Variants in GPBP1 observed in about 807,000 individuals in gnomAD.
The protein encoded by GPBP1 is vasculin.
A neutral mutation model predicts 56.5 loss-of-function variants in GPBP1; 13 were observed. That is an observed-to-expected ratio of 0.23 (90% CI 0.15 to 0.37). The LOEUF (loss-of-function observed/expected upper bound fraction) is 0.37, where lower values mean the gene tolerates loss of function less well. Among genes scored for constraint, GPBP1 ranks in the 10% least tolerant of loss-of-function variants. The pLI is 1.00. For missense variants in GPBP1, 477 were observed against 572.3 expected, an observed-to-expected ratio of 0.83 and a Z score of 1.70; for synonymous variants, 204 against 188.9, an observed-to-expected ratio of 1.08 and a Z score of -0.66.
rs769039038 is a variant in GPBP1 at position 57,231,212 on chromosome 5, TTTTCCA to T, written c.304_309del (p.Phe102_His103del). ...GGAAGTTCCCGTTCTCGTAGCAGTA[TTTTCCA>T]TGCAGGAAAAAGCCAAGGACTACAT... On this transcript the variant is annotated inframe_deletion, in exon 5 of 12. Transcript: ENST00000506184. 3.1e-6 allele frequency: 5 copies of T among 1,614,094 alleles called. No individual in the cohort carries two copies. In the South Asian group the frequency reaches 5.5e-5, roughly 18 times the overall value.
At chr5:57,203,187 A>C (rs1333432272) in intron 2 of GPBP1, among the ~76,000 whole-genome samples, 2 of 152,166 alleles carry the variant, frequency 1.3e-5, no homozygotes, top group African/African-American at 4.8e-5. Context: ...ATGCTTTTTT[A>C]ACCTTATTTT....
chr5:57,246,197 T>TAAA lies in GPBP1; in HGVS notation c.479-90_479-88dup, dbSNP rs11349725. 563 of 687,228 alleles carry TAAA rather than the reference T, an allele frequency of 8.2e-4. 4 individuals are homozygous for TAAA. The African/African-American group carries it at 9.5e-3, about 12-fold the overall frequency. 42.6% of individuals were successfully genotyped at this position (687,228 alleles called of 1,614,324 possible). On this transcript the variant is annotated intron_variant, in intron 6 of 11. Transcript: ENST00000506184. ...TTTTACCCAGGAGGCAGCTGTTAGTTAAAAAAAAAAAAAAATTTGGAATAT... is the reference window on the plus strand; with the variant it reads ...TTTTACCCAGGAGGCAGCTGTTAGTTAAAAAAAAAAAAAAAAAATTTGGAATAT...
chr5:57,240,454 G>A (rs894335577), intron 6 of GPBP1, among the ~76,000 whole-genome samples: 1 of 152,108 alleles, frequency 6.6e-6, no homozygotes, highest in African/African-American at 2.4e-5. Flanking sequence ...ATTCAGTGTA[G>A]GTTTACTAGT....
chr5:57,208,387 C>T (rs919131129), intron 2 of GPBP1, among the ~76,000 whole-genome samples: 59 of 152,162 alleles, frequency 3.9e-4, no homozygotes, highest in African/African-American at 1.4e-3. Flanking sequence ...GTACGAGCCA[C>T]CATGCCTGGC....
At chr5:57,245,942 A>G (rs1455936455) in intron 6 of GPBP1, 1 of 160,424 alleles carries the variant, frequency 6.2e-6, no homozygotes, top group Non-Finnish European at 1.4e-5. Context: ...ATAGAAATGT[A>G]TTTTATATTC....
At chr5:57,207,106 A>G (rs940786121) in intron 2 of GPBP1, among the ~76,000 whole-genome samples, 4 of 152,146 alleles carry the variant, frequency 2.6e-5, no homozygotes, top group Non-Finnish European at 5.9e-5. Context: ...TTTGTCTCGA[A>G]AAATAATCAA....
Position 57,264,662 on chromosome 5 carries a change from T to C in GPBP1, c.*1910T>C, listed in dbSNP as rs1742040091. On this transcript the variant is annotated 3_prime_UTR_variant, in exon 12 of 12. Transcript: ENST00000506184. ...TTTAGTAATTTACTCCTTATAAATA[T>C]GGTAAAGTACAGTGGTATGGTTATT... 6.6e-6 allele frequency: 1 copy of C among 152,182 alleles called. No individual in the cohort carries two copies. The highest frequency in any genetic ancestry group is 2.1e-4 in the South Asian group (1 of 4,830). 9.4% of individuals were successfully genotyped at this position (152,182 alleles called of 1,614,324 possible).
chr5:57,222,374 C>T (rs760319210), intron 3 of GPBP1, among the ~76,000 whole-genome samples: 3 of 152,160 alleles, frequency 2.0e-5, no homozygotes, highest in Admixed American at 6.5e-5. Context: ...CCATATGTAT[C>T]AGACTTTAAA....
At chr5:57,228,011 T>G (rs1000061150) in intron 3 of GPBP1, among the ~76,000 whole-genome samples, 2 of 152,230 alleles carry the variant, frequency 1.3e-5, no homozygotes, top group African/African-American at 4.8e-5. Flanking sequence ...AGAAATAAAG[T>G]TGCTAGATAA....
chr5:57,200,768 G>A (rs1028923259), intron 2 of GPBP1, among the ~76,000 whole-genome samples: 1 of 151,986 alleles, frequency 6.6e-6, no homozygotes, highest in South Asian at 2.1e-4. Flanking sequence ...TGCAAGCTTC[G>A]CCTCCCGGGT....
rs1176712533 is a variant in GPBP1, at chr5:57,247,234, C to T, written c.804+19C>T. Reference sequence around the variant, plus strand: ...GAAAGAGGTATGACATTAAAAATCACACTTGAGGAATGTAACATTTTAATT... The same window carrying T: ...GAAAGAGGTATGACATTAAAAATCATACTTGAGGAATGTAACATTTTAATT... On this transcript the variant is annotated intron_variant, in intron 8 of 11. Coordinates refer to ENST00000506184, the MANE Select transcript of GPBP1 (RefSeq NM_022913.4). 5.0e-6 allele frequency: 8 copies of T among 1,586,866 alleles called. No homozygotes were observed. In the African/African-American group the frequency reaches 9.5e-5, roughly 19 times the overall value.
At chr5:57,262,253 A>C (rs1188365837) in intron 11 of GPBP1, among the ~76,000 whole-genome samples, 1 of 152,134 alleles carries the variant, frequency 6.6e-6, no homozygotes, top group Non-Finnish European at 1.5e-5. Flanking sequence ...TACTTTACAA[A>C]CTATGAACAA....
intron 2 of GPBP1, among the ~76,000 whole-genome samples, chr5:57,212,339 T>C (rs1345332714): frequency 1.3e-5 from 2 of 152,346 alleles, no homozygotes; most frequent in Non-Finnish European, 1.5e-5. Context: ...TGTTAAAAGA[T>C]GAAAATCTTT....
At chr5:57,192,973 G>A (rs1038185185) in intron 2 of GPBP1, among the ~76,000 whole-genome samples, 2 of 152,028 alleles carry the variant, frequency 1.3e-5, no homozygotes, top group Admixed American at 6.6e-5. Context: ...TGAAAAGAAG[G>A]TAACATCAAC....
At chr5:57,246,259 T>G in intron 6 of GPBP1, 41 bp from the exon 7 acceptor site, 8 of 1,526,670 alleles carry the variant, frequency 5.2e-6, no homozygotes, top group Admixed American at 2.0e-5. Flanking sequence ...TACTAAAACT[T>G]GAAATTGTGA....
chr5:57,221,382 A>G, intron 3 of GPBP1: 2 of 1,533,000 alleles, frequency 1.3e-6, no homozygotes, highest in Middle Eastern at 1.7e-4. Flanking sequence ...ATAGGTCCTG[A>G]CCAGCAGTTT....
intron 6 of GPBP1, among the ~76,000 whole-genome samples, chr5:57,238,886 C>G (rs1431425248): frequency 9.2e-5 from 14 of 152,122 alleles, no homozygotes; most frequent in Admixed American, 9.2e-4. Flanking sequence ...CATTCTGAAT[C>G]AAAGCAAATT....
At chr5:57,257,315 G>A (rs764175159) in intron 10 of GPBP1, among the ~76,000 whole-genome samples, 6 of 152,196 alleles carry the variant, frequency 3.9e-5, no homozygotes, top group African/African-American at 1.2e-4. Context: ...GATTACAGGC[G>A]TGAGCCACTG....
chr5:57,175,966 A>C lies in GPBP1; in HGVS notation c.-492A>C. On this transcript the variant is annotated 5_prime_UTR_variant, in exon 2 of 12. Coordinates refer to ENST00000506184, the MANE Select transcript of GPBP1 (RefSeq NM_022913.4). ...GTTTTTTTCCTTTTATCTTTTATTT[A>C]CGTGGAAATTTAAGATGTTGCAGTT... 1 of 398,556 alleles carries C rather than the reference A, an allele frequency of 2.5e-6. No homozygotes were observed. Among genetic ancestry groups the C allele is most frequent in the Non-Finnish European group, 4.4e-6 (1 of 226,036 alleles). 24.7% of individuals were successfully genotyped at this position (398,556 alleles called of 1,614,324 possible).
Sources: allele counts gnomAD v4.1 joint callset (sites outside exome capture counted in the v4.1 genomes callset), GRCh38; gene constraint gnomAD v4.1.1; transcripts MANE v1.5; gene names NCBI Gene and HGNC (gene_info 2026-07-23, HGNC 2026-07-21).